The following MAOB variants were observed in gnomAD, a reference collection of about 807,000 sequenced individuals.
MAOB encodes the protein amine oxidase [flavin-containing] B.
Under a neutral mutation model 41.9 loss-of-function variants are expected in MAOB, and 15 were observed. That is an observed-to-expected ratio of 0.36 (90% CI 0.24 to 0.55). MAOB has a LOEUF of 0.55. MAOB is among the 20% of genes least tolerant of loss of function. The pLI is 0.86. For synonymous variants in MAOB, 167 were observed against 144.2 expected, an observed-to-expected ratio of 1.16 and a Z score of -1.13; for missense variants, 345 against 398.7, an observed-to-expected ratio of 0.87 and a Z score of 1.15.
At chrX:43,781,616 G>T in intron 8 of MAOB, 72 bp from the exon 9 acceptor site, 1 of 555,279 alleles carries the variant, frequency 1.8e-6, no homozygotes, top group Non-Finnish European at 2.8e-6. Context: ...ATAATGAAGT[G>T]CATGTTTTTA....
At chrX:43,777,767 A>G (rs1210873094) in intron 11 of MAOB, among the ~76,000 whole-genome samples, 3 of 112,355 alleles carry the variant, frequency 2.7e-5, no homozygotes, top group Non-Finnish European at 5.6e-5. Context: ...TTTCTCACGC[A>G]TTAACTGCTC....
chrX:43,838,800 T>A, intron 3 of MAOB, 68 bp downstream of exon 3: 1 of 1,003,246 alleles, frequency 1.0e-6, no homozygotes, highest in Non-Finnish European at 1.3e-6. Context: ...GAGAGAATGA[T>A]CTGGAATTTG....
chrX:43,877,500 C>T (rs2035447364), intron 1 of MAOB, among the ~76,000 whole-genome samples: 1 of 111,860 alleles, frequency 8.9e-6, no homozygotes, highest in East Asian at 2.8e-4. Flanking sequence ...TCATTCTAAT[C>T]AAGCTCCTAA....
intron 1 of MAOB, among the ~76,000 whole-genome samples, chrX:43,868,223 T>C (rs1405351165): frequency 8.9e-6 from 1 of 112,622 alleles, no homozygotes; most frequent in East Asian, 2.8e-4. Context: ...CCTATTTTCA[T>C]CAGCTTCTGC....
intron 4 of MAOB, among the ~76,000 whole-genome samples, chrX:43,802,633 A>G (rs902638539): frequency 2.7e-5 from 3 of 111,944 alleles, no homozygotes; most frequent in African/African-American, 9.7e-5. Flanking sequence ...AGCTGCAGCA[A>G]ATCATGTCTA....
chrX:43,839,127 C>T, intron 2 of MAOB, 122 bp from the exon 3 acceptor site: 1 of 428,983 alleles, frequency 2.3e-6, no homozygotes, highest in Non-Finnish European at 3.6e-6. Flanking sequence ...AGGGTATATC[C>T]ACGAAAAACT....
intron 3 of MAOB, among the ~76,000 whole-genome samples, chrX:43,808,691 T>C (rs1266509571): frequency 4.2e-5 from 4 of 96,047 alleles, no homozygotes; most frequent in African/African-American, 1.6e-4. Context: ...TATCTATATC[T>C]ACACATAGAC....
intron 3 of MAOB, among the ~76,000 whole-genome samples, chrX:43,822,249 A>G (rs923862955): frequency 2.7e-5 from 3 of 112,527 alleles, no homozygotes; most frequent in African/African-American, 9.7e-5. Flanking sequence ...ATGAGTCAGA[A>G]TACTTCTCCA....
At chrX:43,879,853 C>G (rs2035462607) in intron 1 of MAOB, among the ~76,000 whole-genome samples, 1 of 112,271 alleles carries the variant, frequency 8.9e-6, no homozygotes. Context: ...CTTAAGTTAT[C>G]CTACACGTTA....
At chrX:43,817,645 C>A (rs1156285867) in intron 3 of MAOB, among the ~76,000 whole-genome samples, 2 of 111,736 alleles carry the variant, frequency 1.8e-5, no homozygotes. Flanking sequence ...ATGGGCAACA[C>A]GGCTTTTGTA....
chrX:43,822,514 G>A (rs900294217), intron 3 of MAOB, among the ~76,000 whole-genome samples: 5 of 111,501 alleles, frequency 4.5e-5, no homozygotes, highest in African/African-American at 1.6e-4. Context: ...CCTGGAGTGA[G>A]ATTCAGATGA....
chrX:43,806,983 C>T, intron 3 of MAOB, among the ~76,000 whole-genome samples: 1 of 111,600 alleles, frequency 9.0e-6, no homozygotes, highest in East Asian at 2.8e-4. Context: ...TCTATTTTCT[C>T]TGCCCAAGCC....
Position 43,767,633 on chromosome X carries a change from C to T in MAOB, c.1411-15G>A. ...GCAGGGACATCCTAGGTTCAGAAAA[C>T]ATTGGGTATTAGTACAGGGCTTGTG... On this transcript the variant is annotated splice_polypyrimidine_tract_variant and intron_variant, in intron 14 of 14. Transcript: ENST00000378069. 1 of 1,201,447 alleles carries T rather than the reference C, an allele frequency of 8.3e-7. No individual in the cohort carries two copies. The highest frequency in any genetic ancestry group is 1.7e-5 in the African/African-American group (1 of 57,583).
chrX:43,876,333 G>T (rs1328931535), intron 1 of MAOB, among the ~76,000 whole-genome samples: 1 of 112,288 alleles, frequency 8.9e-6, no homozygotes, highest in Non-Finnish European at 1.9e-5. Flanking sequence ...ATAAATGAAA[G>T]ATGCAGTCAC....
At chrX:43,840,055 A>C (rs762997429) in intron 2 of MAOB, among the ~76,000 whole-genome samples, 15 of 112,387 alleles carry the variant, frequency 1.3e-4, no homozygotes, top group African/African-American at 3.2e-4. Flanking sequence ...TTGCCATACG[A>C]CAAAGGTAAA....
intron 1 of MAOB, among the ~76,000 whole-genome samples, chrX:43,866,590 G>C (rs188440194): frequency 1.8e-5 from 2 of 112,424 alleles, no homozygotes; most frequent in Non-Finnish European, 3.8e-5. Context: ...TGCTTAATGC[G>C]TACAGAGTTT....
chrX:43,871,835 C>T (rs1454468469), intron 1 of MAOB, among the ~76,000 whole-genome samples: 1 of 110,415 alleles, frequency 9.1e-6, no homozygotes, highest in Non-Finnish European at 1.9e-5. Flanking sequence ...TTTCCACTAA[C>T]TGGCACAGCA....
chrX:43,775,103 A>T, intron 12 of MAOB, 72 bp downstream of exon 12: 1 of 990,503 alleles, frequency 1.0e-6, no homozygotes, highest in Non-Finnish European at 1.3e-6. Context: ...GAGAAGAGCT[A>T]CCTGAACCTA....
intron 9 of MAOB, 132 bp downstream of exon 9, chrX:43,781,316 C>T (rs1343178853): frequency 4.0e-5 from 13 of 325,755 alleles, no homozygotes; most frequent in Admixed American, 1.2e-4. Flanking sequence ...ATTTTTGTAC[C>T]GCTGAATTTG....
Sources: allele counts gnomAD v4.1 joint callset (sites outside exome capture counted in the v4.1 genomes callset), GRCh38; gene constraint gnomAD v4.1.1; transcripts MANE v1.5; gene names NCBI Gene and HGNC (gene_info 2026-07-23, HGNC 2026-07-21).